Variants in FBXW8 observed in about 807,000 individuals in gnomAD.
The protein encoded by FBXW8 is F-box/WD repeat-containing protein 8.
In FBXW8, 57 loss-of-function variants were observed where a neutral mutation model predicts 65.3. The observed-to-expected ratio is 0.87, with a 90% confidence interval of 0.71 to 1.09. FBXW8 has a LOEUF of 1.09. Ranked by LOEUF, FBXW8 falls within the 50% of genes least tolerant of loss-of-function variation. FBXW8 has a pLI of 0.00. For missense variants in FBXW8, 777 were observed against 814.8 expected, an observed-to-expected ratio of 0.95 and a Z score of 0.57; for synonymous variants, 308 against 330.2, an observed-to-expected ratio of 0.93 and a Z score of 0.73.
At chr12:116,965,914 A>G (rs1884291393) in intron 5 of FBXW8, among the ~76,000 whole-genome samples, 1 of 140,954 alleles carries the variant, frequency 7.1e-6, no homozygotes, top group South Asian at 2.3e-4. Context: ...GCATGCCACC[A>G]TGCCCAGCTA....
intron 5 of FBXW8, among the ~76,000 whole-genome samples, chr12:116,965,077 T>C (rs1291179906): frequency 6.6e-6 from 1 of 152,234 alleles, no homozygotes. Flanking sequence ...AACTGGTGTT[T>C]AATTCCTACT....
At chr12:116,977,364 A>C (rs1477808360) in intron 5 of FBXW8, 1 of 152,234 alleles carries the variant, frequency 6.6e-6, no homozygotes, top group Non-Finnish European at 1.5e-5. Context: ...CTTAGTCTGC[A>C]GTGTGGCTGT....
At chr12:116,968,061 G>A (rs1040154109) in intron 5 of FBXW8, among the ~76,000 whole-genome samples, 7 of 152,144 alleles carry the variant, frequency 4.6e-5, no homozygotes, top group African/African-American at 9.7e-5. Context: ...GAGCCACCGC[G>A]CCTGGCTTGT....
intron 2 of FBXW8, among the ~76,000 whole-genome samples, chr12:116,928,619 G>T (rs1445680887): frequency 6.6e-6 from 1 of 152,192 alleles, no homozygotes. Context: ...TGCAAGGCAG[G>T]TGAGAACTGA....
chr12:116,983,359 T>C (rs528899717), intron 5 of FBXW8, among the ~76,000 whole-genome samples: 1 of 152,328 alleles, frequency 6.6e-6, no homozygotes, highest in East Asian at 1.9e-4. Flanking sequence ...TGGAACCTTT[T>C]GTGATCCGCT....
chr12:116,949,554 C>T (rs1883135306), intron 3 of FBXW8, 64 bp from the exon 4 acceptor site: 13 of 1,463,090 alleles, frequency 8.9e-6, no homozygotes, highest in African/African-American at 1.4e-5. Context: ...TGAAAAAGCA[C>T]GATGCTTGGC....
chr12:117,005,484 G>A (rs931466095), intron 7 of FBXW8, among the ~76,000 whole-genome samples: 3 of 152,196 alleles, frequency 2.0e-5, no homozygotes, highest in Admixed American at 6.5e-5. Context: ...AGTGTGATGC[G>A]GTGTGGTGCT....
chr12:116,959,783 C>G (rs78241590), intron 4 of FBXW8, among the ~76,000 whole-genome samples: 338 of 152,228 alleles, frequency 2.2e-3, no homozygotes, highest in African/African-American at 7.9e-3. Context: ...CCCATTCTTT[C>G]AACAAAAAAT....
At chr12:117,012,811 A>G (rs1340842953) in intron 8 of FBXW8, among the ~76,000 whole-genome samples, 1 of 152,202 alleles carries the variant, frequency 6.6e-6, no homozygotes, top group Non-Finnish European at 1.5e-5. Context: ...TTAGTGCTTT[A>G]TAAATAACTT....
At chr12:117,010,001 G>T in intron 7 of FBXW8, among the ~76,000 whole-genome samples, 1 of 152,284 alleles carries the variant, frequency 6.6e-6, no homozygotes, top group Middle Eastern at 3.4e-3. Context: ...CAGTGGCCCC[G>T]TGGTTTCCAG....
At chr12:116,912,224 G>C (rs947035716) in intron 1 of FBXW8, among the ~76,000 whole-genome samples, 57 of 126,696 alleles carry the variant, frequency 4.5e-4, no homozygotes, top group African/African-American at 1.5e-3. Context: ...GTCTTGCTCT[G>C]TTGCCCAGGC....
intron 5 of FBXW8, among the ~76,000 whole-genome samples, chr12:116,970,251 A>T (rs1018991607): frequency 2.0e-5 from 3 of 152,120 alleles, no homozygotes; most frequent in Admixed American, 6.5e-5. Flanking sequence ...AGAAGTTTTT[A>T]TTTGTCCCCC....
At chr12:116,998,753 G>A (rs1435133401) in intron 7 of FBXW8, among the ~76,000 whole-genome samples, 2 of 152,226 alleles carry the variant, frequency 1.3e-5, no homozygotes, top group East Asian at 3.8e-4. Context: ...CACTAGTGCT[G>A]CAGAAGAGGC....
chr12:116,975,415 A>G (rs887482154), intron 5 of FBXW8, among the ~76,000 whole-genome samples: 1 of 152,194 alleles, frequency 6.6e-6, no homozygotes, highest in Non-Finnish European at 1.5e-5. Context: ...GAAAGGGCAA[A>G]GGAGCTCTCA....
At chr12:117,021,875 TC>T (rs1254961247) in intron 8 of FBXW8, among the ~76,000 whole-genome samples, 1 of 152,220 alleles carries the variant, frequency 6.6e-6, no homozygotes, top group African/African-American at 2.4e-5. Flanking sequence ...TGACGTTTCA[TC>T]CCGTTGCTTT....
intron 1 of FBXW8, among the ~76,000 whole-genome samples, chr12:116,924,285 C>CTTTTA (rs140117282): frequency 0.069 from 10,557 of 152,010 alleles, 942 homozygotes; most frequent in African/African-American, 0.21. Flanking sequence ...CTGATAGCAT[C>CTTTTA]TTTATTTATT....
intron 4 of FBXW8, 65 bp from the exon 5 acceptor site, chr12:116,964,632 A>T: frequency 6.3e-7 from 1 of 1,593,228 alleles, no homozygotes; most frequent in Non-Finnish European, 8.6e-7. Flanking sequence ...GGCTCTGTGC[A>T]TTTTCCCCAC....
intron 5 of FBXW8, among the ~76,000 whole-genome samples, chr12:116,966,790 CT>C (rs1272931553): frequency 6.6e-6 from 1 of 152,066 alleles, no homozygotes; most frequent in Non-Finnish European, 1.5e-5. Flanking sequence ...TCTCGGCTCA[CT>C]GCAACCTCTG....
chr12:116,912,171 G>GTT (rs57142470), intron 1 of FBXW8, among the ~76,000 whole-genome samples: 8 of 131,028 alleles, frequency 6.1e-5, no homozygotes, highest in South Asian at 2.4e-4. Context: ...TTTTTTTCCT[G>GTT]TTTTTTTTTT....
Sources: gnomAD v4.1 joint callset for allele counts (sites outside exome capture counted in the v4.1 genomes callset) on GRCh38, gnomAD v4.1.1 for gene constraint, MANE v1.5 for transcripts, NCBI Gene and HGNC (gene_info 2026-07-23, HGNC 2026-07-21) for gene names.